The following RLF variants were observed in gnomAD, a reference collection of about 807,000 sequenced individuals.
The protein encoded by RLF is RLF zinc finger, also known as zinc finger protein Rlf.
In RLF, 7 loss-of-function variants were observed where a neutral mutation model predicts 162.9. The ratio of observed to expected loss-of-function variants is 0.04; its 90% CI spans 0.02 to 0.08. RLF has a LOEUF of 0.08. Ranked by LOEUF, RLF falls within the 10% of genes least tolerant of loss-of-function variation. The probability of loss-of-function intolerance (pLI) is 1.00; values close to 1 mark genes in which losing one functional copy is unlikely to be tolerated. For synonymous variants in RLF, 782 were observed against 791.5 expected (o/e 0.99, Z 0.20); for missense variants, 1,664 against 2,244.7 (o/e 0.74, Z 5.23).
rs1196269753 is a variant in RLF, at chr1:40,236,270, A to G, written c.1568A>G (p.Tyr523Cys). The G allele has an allele frequency of 1.9e-6, 3 of 1,613,956 alleles. No homozygotes were observed. The highest frequency in any genetic ancestry group is 2.5e-6 in the Non-Finnish European group (3 of 1,179,944). ...DYDEGKEDKQ[Y>C]RRRDLTDQHK... ...GATGAGGGTAAAGAAGATAAACAAT[A>G]TAGAAGAAGAGATTTGACAGATCAG... The change falls in exon 8 of 8, where the codon TAT (tyrosine) becomes TGT (cysteine). Residue 523 changes from tyrosine (Y) to cysteine (C), a missense_variant. Transcript: ENST00000372771. This position sits in a 1 kb window ranked among gnomAD's most constrained non-coding sequence, Gnocchi z 7.7.
intron 4 of RLF, among the ~76,000 whole-genome samples, chr1:40,197,297 G>T (rs186183016): frequency 6.6e-5 from 10 of 152,198 alleles, no homozygotes; most frequent in African/African-American, 1.2e-4. Flanking sequence ...TTCCATTGAG[G>T]TCCTCAATAA....
At chr1:40,195,175 C>T (rs558146945) in intron 3 of RLF, among the ~76,000 whole-genome samples, 18 of 151,582 alleles carry the variant, frequency 1.2e-4, no homozygotes, top group African/African-American at 4.1e-4. Flanking sequence ...AGAGGCTGGA[C>T]GCGATGGCTC....
At chr1:40,199,336 A>G (rs1557747897) in intron 4 of RLF, among the ~76,000 whole-genome samples, 1 of 152,244 alleles carries the variant, frequency 6.6e-6, no homozygotes. Context: ...AGTGTAATAA[A>G]GGAGATATCA....
intron 1 of RLF, among the ~76,000 whole-genome samples, chr1:40,177,382 C>T (rs565707626): frequency 4.6e-5 from 7 of 151,840 alleles, no homozygotes; most frequent in South Asian, 2.1e-4. Context: ...CTCCGCCTCC[C>T]GGGGTCACAC....
rs946690212 is a variant in RLF at position 40,237,051 on chromosome 1, T to C, written c.2349T>C (p.Ser783=). 8.7e-6 allele frequency: 14 copies of C among 1,614,024 alleles called. No homozygotes were observed. The highest frequency in any genetic ancestry group is 1.1e-5 in the Non-Finnish European group (13 of 1,180,012). ...TAAATGGCTGTAATATTGTTTTCAG[T>C]GACTTGGGACAGCTTTACCACCATG... ...CELNGCNIVF[S]DLGQLYHHEA... Residue 783 remains serine, a synonymous_variant, in exon 8 of 8, where the codon AGT becomes AGC. Coordinates refer to ENST00000372771, the MANE Select transcript of RLF (RefSeq NM_012421.4). The surrounding 1 kb of genome is among the most constrained non-coding windows in gnomAD (Gnocchi z 4.4).
At chr1:40,187,196 TCTAA>T (rs997085374) in intron 1 of RLF, among the ~76,000 whole-genome samples, 1 of 137,414 alleles carries the variant, frequency 7.3e-6, no homozygotes, top group African/African-American at 3.5e-5. Context: ...CACGCCCATC[TCTAA>T]TATTTGTATT....
chr1:40,216,486 C>CT (rs1370839826), intron 5 of RLF, among the ~76,000 whole-genome samples: 1 of 138,608 alleles, frequency 7.2e-6, no homozygotes, highest in Non-Finnish European at 1.6e-5. Flanking sequence ...GAAACTCTGT[C>CT]TAAAAAAAAA....
At chr1:40,177,177 G>C (rs1226506771) in intron 1 of RLF, among the ~76,000 whole-genome samples, 1 of 151,942 alleles carries the variant, frequency 6.6e-6, no homozygotes, top group Non-Finnish European at 1.5e-5. Flanking sequence ...GATGAGACAG[G>C]GTTTCGCCAT....
chr1:40,189,642 T>C (rs1260855931), intron 2 of RLF, among the ~76,000 whole-genome samples: 1 of 152,178 alleles, frequency 6.6e-6, no homozygotes, highest in Non-Finnish European at 1.5e-5. Context: ...AAGAAAGAGA[T>C]CATGATTTAG....
chr1:40,213,924 C>G (rs898059974), intron 5 of RLF, among the ~76,000 whole-genome samples: 11 of 152,152 alleles, frequency 7.2e-5, no homozygotes, highest in African/African-American at 2.4e-4. Flanking sequence ...CTGCCTGTAC[C>G]CACCTTCTGT....
chr1:40,198,330 G>A (rs1263606166), intron 4 of RLF, among the ~76,000 whole-genome samples: 7 of 130,826 alleles, frequency 5.4e-5, no homozygotes, highest in Non-Finnish European at 9.4e-5. Context: ...TAAAGACAGC[G>A]TTTCACTCTT....
At chr1:40,216,594 T>G (rs1642927347) in intron 5 of RLF, among the ~76,000 whole-genome samples, 1 of 152,012 alleles carries the variant, frequency 6.6e-6, no homozygotes, top group Admixed American at 6.6e-5. Flanking sequence ...TTTAAAAATT[T>G]CCCACATCCA....
intron 1 of RLF, among the ~76,000 whole-genome samples, chr1:40,169,064 A>G (rs1403036432): frequency 6.6e-6 from 1 of 152,226 alleles, no homozygotes; most frequent in African/African-American, 2.4e-5. Flanking sequence ...TCACAAGGCC[A>G]ACATACAATC....
At chr1:40,183,500 C>T (rs1264050630) in intron 1 of RLF, among the ~76,000 whole-genome samples, 1 of 152,134 alleles carries the variant, frequency 6.6e-6, no homozygotes, top group Non-Finnish European at 1.5e-5. Context: ...ATGTTGTAAA[C>T]TCGGGAAGAA....
intron 6 of RLF, among the ~76,000 whole-genome samples, chr1:40,229,307 C>T (rs764832090): frequency 1.1e-4 from 16 of 152,170 alleles, no homozygotes; most frequent in Non-Finnish European, 2.2e-4. Context: ...GCTATTTTCA[C>T]AGCTGGCCTA....
chr1:40,172,004 A>G (rs1449575404), intron 1 of RLF, among the ~76,000 whole-genome samples: 1 of 152,186 alleles, frequency 6.6e-6, no homozygotes, highest in African/African-American at 2.4e-5. Flanking sequence ...TATATACTAA[A>G]ACCTGCTTAT....
chr1:40,181,118 C>T (rs1370866054), intron 1 of RLF, among the ~76,000 whole-genome samples: 1 of 152,132 alleles, frequency 6.6e-6, no homozygotes, highest in Non-Finnish European at 1.5e-5. Flanking sequence ...TTTGGTTTTC[C>T]TAACATTGTT....
intron 6 of RLF, among the ~76,000 whole-genome samples, chr1:40,230,575 G>A (rs1643140321): frequency 6.6e-6 from 1 of 152,106 alleles, no homozygotes; most frequent in African/African-American, 2.4e-5. Flanking sequence ...TGGGATTACA[G>A]GCATCCACCA....
At chr1:40,208,691 G>A (rs912956604) in intron 5 of RLF, among the ~76,000 whole-genome samples, 14 of 118,904 alleles carry the variant, frequency 1.2e-4, no homozygotes, top group Admixed American at 1.0e-3. Context: ...GGTGGCATGT[G>A]CCGTAGTCCC....
Sources: allele counts gnomAD v4.1 joint callset (sites outside exome capture counted in the v4.1 genomes callset), GRCh38; gene constraint gnomAD v4.1.1; non-coding constraint Gnocchi (gnomAD v3.1); transcripts MANE v1.5; gene names NCBI Gene and HGNC (gene_info 2026-07-23, HGNC 2026-07-21).